SLC34A1: variants seen among roughly 807,000 people sequenced by gnomAD.
SLC34A1 encodes sodium-dependent phosphate transport protein 2A.
Under a neutral mutation model 51.4 loss-of-function variants are expected in SLC34A1, and 57 were observed. The observed-to-expected ratio is 1.11, with a 90% CI of 0.90 to 1.38. SLC34A1 has a LOEUF of 1.38. Ranked by LOEUF, SLC34A1 falls within the 40% of genes most tolerant of loss-of-function variation. The pLI is 0.00. For synonymous variants in SLC34A1, 368 were observed against 358.0 expected (o/e 1.03, Z -0.32); for missense variants, 796 against 835.6 (o/e 0.95, Z 0.58).
chr5:177,396,915 G>T lies in SLC34A1; in HGVS notation c.1292-35G>T. On this transcript the variant is annotated intron_variant, in intron 11 of 12. Coordinates refer to ENST00000324417, the MANE Select transcript of SLC34A1 (RefSeq NM_003052.5). This position sits in a 1 kb window ranked among gnomAD's most constrained non-coding sequence, Gnocchi z 4.0. Reference sequence around the variant, plus strand: ...TGGCAGGGAAAGGGCCGAAGGAGACGCTGGGGGTCCCACTTCCTCTCCCTC... The same window carrying T: ...TGGCAGGGAAAGGGCCGAAGGAGACTCTGGGGGTCCCACTTCCTCTCCCTC... The T allele has an allele frequency of 6.2e-7, 1 of 1,614,146 alleles. No individual in the cohort carries two copies. The highest frequency in any genetic ancestry group is 1.7e-4 in the Middle Eastern group (1 of 6,060).
At chr5:177,392,929 T>C (rs1762852598) in intron 8 of SLC34A1, among the ~76,000 whole-genome samples, 2 of 152,160 alleles carry the variant, frequency 1.3e-5, no homozygotes, top group South Asian at 4.1e-4. Context: ...GATTGGGAGA[T>C]TTCATCTAGA....
intron 12 of SLC34A1, chr5:177,397,324 G>C (rs1763003778): frequency 9.2e-6 from 5 of 543,202 alleles, no homozygotes; most frequent in African/African-American, 1.9e-5. Flanking sequence ...ATAAGGAAGA[G>C]GAAGAGGAAG....
rs150592440 is a variant in SLC34A1, at chr5:177,388,003, G to T, written c.654G>T (p.Ala218=). The change falls in exon 7 of 13, where the codon GCG becomes GCT. Residue 218 remains alanine (A), a synonymous_variant. Coordinates refer to ENST00000324417, the MANE Select transcript of SLC34A1 (RefSeq NM_003052.5). The surrounding 1 kb of genome is among the most constrained non-coding windows in gnomAD (Gnocchi z 4.3). Reference sequence around the variant, plus strand: ...TGGCCTCCCTGCCCAGGGCCTTCGCGGGGGCCACGGTGCATGACTGCTTTA... The same window carrying T: ...TGGCCTCCCTGCCCAGGGCCTTCGCTGGGGCCACGGTGCATGACTGCTTTA... ...GDRTDFRRAF[A]GATVHDCFNW... 2 of 1,612,780 alleles carry T rather than the reference G, an allele frequency of 1.2e-6. No individual in the cohort carries two copies. The highest frequency in any genetic ancestry group is 1.7e-6 in the Non-Finnish European group (2 of 1,179,170).
At chr5:177,394,685 T>TACCAGATCGGG (rs1762904222) in intron 10 of SLC34A1, among the ~76,000 whole-genome samples, 1 of 143,542 alleles carries the variant, frequency 7.0e-6, no homozygotes, top group Non-Finnish European at 1.5e-5. Context: ...AGTGAGACTT[T>TACCAGATCGGG]GTCTTTTTTT....
At chr5:177,387,288 A>G (rs1762617337) in intron 5 of SLC34A1, among the ~76,000 whole-genome samples, 1 of 152,060 alleles carries the variant, frequency 6.6e-6, no homozygotes. Flanking sequence ...CCAGCTACTC[A>G]GGAGGCTGAG....
chr5:177,397,903 T>C lies in SLC34A1; in HGVS notation c.1537T>C (p.Trp513Arg), dbSNP rs1171860652. The change falls in exon 13 of 13, where the codon TGG becomes CGG. Residue 513 changes from tryptophan to arginine, a missense_variant. Coordinates refer to ENST00000324417, the MANE Select transcript of SLC34A1 (RefSeq NM_003052.5). ...ALGKRTAKYR[W>R]FAVLYLLVCF... is the part of the protein sequence containing the mutation. ...GGGGAAACGCACGGCCAAGTACCGC[T>C]GGTTTGCCGTCCTCTATCTCCTTGT... The C allele has an allele frequency of 1.2e-6, 2 of 1,613,988 alleles. No homozygotes were observed. Among genetic ancestry groups the C allele is most frequent in the Admixed American group, 3.3e-5 (2 of 60,026 alleles).
chr5:177,397,879 G>C lies in SLC34A1; in HGVS notation c.1513G>C (p.Gly505Arg). 1 of 1,613,900 alleles carries C rather than the reference G, an allele frequency of 6.2e-7. No individual in the cohort carries two copies. The highest frequency in any genetic ancestry group is 2.2e-5 in the East Asian group (1 of 44,882). Residue 505 changes from glycine (G) to arginine (R), a missense_variant, in exon 13 of 13, where the codon GGG becomes CGG. Transcript: ENST00000324417. ...GCCCATCCGCATGGCCAAGGCGCTG[G>C]GGAAACGCACGGCCAAGTACCGCTG... ...RLPIRMAKAL[G>R]KRTAKYRWFA...
At position 177,388,337 on chromosome 5, in the gene SLC34A1, C is replaced by A. The variant is rs1333048224; in HGVS notation, c.901C>A (p.Leu301Ile). Reference protein sequence around the residue: ...TGDESLRNHSLIQIWCHPDSL... With the variant: ...TGDESLRNHSIIQIWCHPDSL... ...TGATGAGTCCCTGAGGAACCACAGT[C>A]TCATCCAGATCTGGTGCCACCCAGA... Residue 301 changes from leucine to isoleucine, a missense_variant, in exon 8 of 13, where the codon CTC becomes ATC. Coordinates refer to ENST00000324417, the MANE Select transcript of SLC34A1 (RefSeq NM_003052.5). The surrounding 1 kb of genome is among the most constrained non-coding windows in gnomAD (Gnocchi z 4.3). 6.2e-7 allele frequency: 1 copy of A among 1,614,060 alleles called. No homozygotes were observed. Among genetic ancestry groups the A allele is most frequent in the Non-Finnish European group, 8.5e-7 (1 of 1,180,040 alleles).
At chr5:177,392,412 G>A (rs572728219) in intron 8 of SLC34A1, among the ~76,000 whole-genome samples, 9 of 152,264 alleles carry the variant, frequency 5.9e-5, no homozygotes, top group Non-Finnish European at 1.0e-4. Flanking sequence ...GCAGTGAGCC[G>A]AGATTGTGCC....
intron 8 of SLC34A1, among the ~76,000 whole-genome samples, chr5:177,393,277 G>A (rs1036088924): frequency 1.3e-5 from 2 of 152,180 alleles, no homozygotes; most frequent in African/African-American, 2.4e-5. Context: ...AGCTAAGGGT[G>A]TCTTGGAGGA....
chr5:177,390,784 C>T (rs1318992074), intron 8 of SLC34A1, among the ~76,000 whole-genome samples: 1 of 152,106 alleles, frequency 6.6e-6, no homozygotes, highest in Non-Finnish European at 1.5e-5. Flanking sequence ...CACATCCTGA[C>T]AGTCTCCTGT....
chr5:177,393,924 GGAGCCTGAGAT>G, intron 9 of SLC34A1, 93 bp from the exon 10 acceptor site: 1 of 1,532,870 alleles, frequency 6.5e-7, no homozygotes, highest in Non-Finnish European at 9.0e-7. Flanking sequence ...TGAGGCTCAA[GGAGCCTGAGAT>G]GGGGCCTTAG....
intron 12 of SLC34A1, 93 bp downstream of exon 12, chr5:177,397,167 T>C (rs1762999008): frequency 1.3e-6 from 2 of 1,510,352 alleles, no homozygotes; most frequent in South Asian, 2.4e-5. Flanking sequence ...AACAAATATT[T>C]TGACTGCCTA....
In SLC34A1 at chr5:177,386,262, C is replaced by A; in HGVS notation, c.301C>A (p.Leu101Met). 2 of 1,614,218 alleles carry A rather than the reference C, an allele frequency of 1.2e-6. No individual in the cohort carries two copies. Among genetic ancestry groups the A allele is most frequent in the Non-Finnish European group, 1.7e-6 (2 of 1,180,030 alleles). Residue 101 changes from leucine (L) to methionine (M), a missense_variant, in exon 4 of 13, where the codon CTG (leucine) becomes ATG (methionine). Transcript: ENST00000324417. This position sits in a 1 kb window ranked among gnomAD's most constrained non-coding sequence, Gnocchi z 4.8. ...CAAGCTGCGCCAGGCTGGCGCCATG[C>A]TGCTCAAGGTGCCACTGATGCTCAC... ...VPKLRQAGAM[L>M]LKVPLMLTFL...
chr5:177,393,882 C>A, intron 9 of SLC34A1, 119 bp downstream of exon 9: 1 of 1,477,104 alleles, frequency 6.8e-7, no homozygotes, highest in Non-Finnish European at 9.4e-7. Context: ...GTCAACTAGC[C>A]CAGCTCCTGA....
intron 12 of SLC34A1, 41 bp from the exon 13 acceptor site, chr5:177,397,742 A>C (rs779129814): frequency 6.2e-7 from 1 of 1,601,432 alleles, no homozygotes; most frequent in South Asian, 1.1e-5. Flanking sequence ...AGGACCTGGG[A>C]GCCAGTGCCC....
At chr5:177,395,313 GCT>G (rs1762923608) in intron 10 of SLC34A1, among the ~76,000 whole-genome samples, 1 of 152,146 alleles carries the variant, frequency 6.6e-6, no homozygotes, top group Non-Finnish European at 1.5e-5. Flanking sequence ...TTTCCAATGC[GCT>G]GTTTGAGGCC....
chr5:177,394,579 T>C (rs952283850), intron 10 of SLC34A1, among the ~76,000 whole-genome samples: 4 of 151,700 alleles, frequency 2.6e-5, no homozygotes, highest in Admixed American at 6.6e-5. Context: ...ATACATGAGA[T>C]TGGCAAATGG....
chr5:177,390,005 A>G, intron 8 of SLC34A1: 1 of 1,335,696 alleles, frequency 7.5e-7, no homozygotes, highest in Non-Finnish European at 9.6e-7. Flanking sequence ...TTTCTGGGAC[A>G]GCGCCCCGAA....
Sources: allele counts gnomAD v4.1 joint callset (sites outside exome capture counted in the v4.1 genomes callset), GRCh38; gene constraint gnomAD v4.1.1; non-coding constraint Gnocchi (gnomAD v3.1); transcripts MANE v1.5; gene names NCBI Gene and HGNC (gene_info 2026-07-23, HGNC 2026-07-21).